FBN1: variants seen among roughly 807,000 people sequenced by gnomAD.
FBN1 encodes fibrillin-1.
FBN1 carries 29 observed loss-of-function variants against 365.1 expected under a neutral mutation model. The ratio of observed to expected loss-of-function variants is 0.08; its 90% confidence interval spans 0.06 to 0.11. FBN1 has a LOEUF of 0.11. Among genes scored for constraint, FBN1 ranks in the 10% least tolerant of loss-of-function variants. The pLI is 1.00. For missense variants in FBN1, 2,476 were observed against 3,703.2 expected (o/e 0.67, Z 8.60); for synonymous variants, 1,210 against 1,270.5 (o/e 0.95, Z 1.01).
rs1655998227 is a variant in FBN1, at chr15:48,600,189, T to C, written c.392A>G (p.Asp131Gly). Reference sequence around the variant, plus strand: ...TCCTTTCTGGCATAGACAGTGATCGTCACTGCAGCTACCTCCATTCATACA... The same window carrying C: ...TCCTTTCTGGCATAGACAGTGATCGCCACTGCAGCTACCTCCATTCATACA... ...IRCMNGGSCS[D>G]DHCLCQKGYI... Residue 131 changes from aspartate to glycine, a missense_variant, in exon 5 of 66, where the codon GAC (aspartate) becomes GGC (glycine). Physicochemically the swap from Asp to Gly is moderately conservative, Grantham distance 94. Around this residue, in one of 5 missense-constraint regions of FBN1, gnomAD observed 421 missense variants for 520.1 expected, o/e 0.81. Transcript: ENST00000316623. 1.2e-6 allele frequency: 2 copies of C among 1,613,954 alleles called. No homozygotes were observed. Among genetic ancestry groups the C allele is most frequent in the South Asian group, 1.1e-5 (1 of 91,092 alleles).
intron 3 of FBN1, among the ~76,000 whole-genome samples, chr15:48,611,939 T>C (rs576762920): frequency 6.6e-6 from 1 of 152,316 alleles, no homozygotes; most frequent in African/African-American, 2.4e-5. Context: ...CCAAAGAGTT[T>C]AGGATGGAAA....
chr15:48,600,042 C>T, intron 5 of FBN1, 97 bp downstream of exon 5: 1 of 885,674 alleles, frequency 1.1e-6, no homozygotes, highest in Admixed American at 1.7e-5. Flanking sequence ...TGCTGTGTCC[C>T]AGGTAATCGA....
intron 58 of FBN1, 129 bp downstream of exon 58, chr15:48,427,438 T>G: frequency 1.0e-6 from 1 of 961,574 alleles, no homozygotes; most frequent in South Asian, 1.5e-5. Context: ...TAATGAAGAA[T>G]TTTTGTTGGC....
At chr15:48,430,863 C>T (rs1015262153) in intron 55 of FBN1, 61 bp from the exon 56 acceptor site, 10 of 1,552,020 alleles carry the variant, frequency 6.4e-6, no homozygotes, top group African/African-American at 1.4e-5. Context: ...CCTTAATTAC[C>T]TGACTTTTAA....
chr15:48,506,598 T>C (rs946431866), intron 15 of FBN1, among the ~76,000 whole-genome samples: 1 of 152,180 alleles, frequency 6.6e-6, no homozygotes, highest in Non-Finnish European at 1.5e-5. Context: ...GGAGGTAACC[T>C]TGGTCAAAGT....
At position 48,411,307 on chromosome 15, in the gene FBN1, T is replaced by C. The variant is rs771437236; in HGVS notation, c.8299A>G (p.Asn2767Asp). ...DVEKTAIFAFNISHVSNKVRI... is the reference protein window; with the variant it reads ...DVEKTAIFAFDISHVSNKVRI... ...ACCTTGTTACTGACGTGGGAAATAT[T>C]GAAAGCAAAGATGGCTGTCTTCTCA... Residue 2767 changes from asparagine to aspartate, a missense_variant, in exon 66 of 66, where the codon AAT (asparagine) becomes GAT (aspartate). Physicochemically the swap from Asn to Asp is conservative, Grantham distance 23. Transcript: ENST00000316623. The C allele has an allele frequency of 1.4e-5, 23 of 1,614,014 alleles. 1 individual carries two copies. The South Asian group carries it at 1.8e-4, about 12-fold the overall frequency.
At chr15:48,525,879 A>G (rs1230163835) in intron 9 of FBN1, among the ~76,000 whole-genome samples, 1 of 152,198 alleles carries the variant, frequency 6.6e-6, no homozygotes, top group Non-Finnish European at 1.5e-5. Flanking sequence ...TGCAACATTA[A>G]TTAATAGACT....
rs1339922695 is a variant in FBN1 at position 48,492,567 on chromosome 15, C to T, written c.2748G>A (p.Val916=). The change falls in exon 24 of 66, where the codon GTG becomes GTA. Residue 916 remains valine (V), a synonymous_variant. Transcript: ENST00000316623. ...GGCCATTTTTACACACTCCTGGGAA[C>T]ACTTCACATTCATCTATATCTAAAA... ...TQCEDIDECE[V]FPGVCKNGLC... is the part of the protein sequence containing the mutation. 15 of 1,605,750 alleles carry T rather than the reference C, an allele frequency of 9.3e-6. No homozygotes were observed. The highest frequency in any genetic ancestry group is 1.2e-5 in the Non-Finnish European group (14 of 1,173,054).
intron 2 of FBN1, among the ~76,000 whole-genome samples, chr15:48,624,576 G>A (rs1417047917): frequency 6.6e-6 from 1 of 152,174 alleles, no homozygotes; most frequent in African/African-American, 2.4e-5. Flanking sequence ...TATCTCAAAT[G>A]TTTGCTTCTG....
chr15:48,471,208 C>A (rs1045277712), intron 35 of FBN1, among the ~76,000 whole-genome samples: 3 of 152,080 alleles, frequency 2.0e-5, no homozygotes, highest in African/African-American at 7.2e-5. Flanking sequence ...AGTCCTATGG[C>A]ATGTGTTTGC....
At chr15:48,558,795 T>C (rs1190672191) in intron 6 of FBN1, among the ~76,000 whole-genome samples, 1 of 152,154 alleles carries the variant, frequency 6.6e-6, no homozygotes, top group Non-Finnish European at 1.5e-5. Flanking sequence ...TCCATGAAAA[T>C]TTTTGAAGTA....
chr15:48,445,319 T>C, intron 48 of FBN1, 57 bp downstream of exon 48: 1 of 1,590,868 alleles, frequency 6.3e-7, no homozygotes. Flanking sequence ...GACTGCATGA[T>C]TCCTTGAGTG....
At chr15:48,458,880 T>C (rs1449177424) in intron 43 of FBN1, among the ~76,000 whole-genome samples, 2 of 152,234 alleles carry the variant, frequency 1.3e-5, no homozygotes, top group African/African-American at 4.8e-5. Context: ...TCTAAATATT[T>C]TGTCATGCTG....
In FBN1 at chr15:48,444,487, A is replaced by T. The variant is rs2303502; in HGVS notation, c.6037+54T>A. Reference sequence around the variant, plus strand: ...TCATTACAAAAATTCTCATTCTGCTAAGTCCAGTGGACACCCGACACTCCT... The same window carrying T: ...TCATTACAAAAATTCTCATTCTGCTTAGTCCAGTGGACACCCGACACTCCT... On this transcript the variant is annotated intron_variant, in intron 49 of 65. Coordinates refer to ENST00000316623, the MANE Select transcript of FBN1 (RefSeq NM_000138.5). The T allele has an allele frequency of 0.73, 1,174,869 of 1,604,964 alleles. 434,694 individuals are homozygous for T. Among genetic ancestry groups the T allele is most frequent in the South Asian group, 0.77 (70,424 of 90,870 alleles).
chr15:48,604,317 T>G (rs1469481192), intron 4 of FBN1, among the ~76,000 whole-genome samples: 1 of 152,204 alleles, frequency 6.6e-6, no homozygotes, highest in Non-Finnish European at 1.5e-5. Context: ...ACATGTGATT[T>G]TAATTTAGGT....
At chr15:48,416,933 G>T (rs1441563262) in intron 63 of FBN1, among the ~76,000 whole-genome samples, 1 of 151,956 alleles carries the variant, frequency 6.6e-6, no homozygotes, top group Non-Finnish European at 1.5e-5. Context: ...ATAGGATACA[G>T]GTATTGACCA....
Position 48,444,625 on chromosome 15 carries a change from C to A in FBN1, c.5953G>T (p.Ala1985Ser). 1 of 1,613,484 alleles carries A rather than the reference C, an allele frequency of 6.2e-7. No individual in the cohort carries two copies. The highest frequency in any genetic ancestry group is 8.5e-7 in the Non-Finnish European group (1 of 1,179,646). Reference protein sequence around the residue: ...NECLLEPRKCAPGTCQNLDGS... With the variant: ...NECLLEPRKCSPGTCQNLDGS... ...TCCAAGTTTTGACAGGTACCTGGTG[C>A]ACATTTTCTGGGTTCTAGAAGACAT... Residue 1985 changes from alanine to serine, a missense_variant, in exon 49 of 66, where the codon GCA becomes TCA. Ala to Ser is a moderately conservative substitution (Grantham distance 99). Transcript: ENST00000316623.
chr15:48,594,260 G>T (rs2044500785), intron 6 of FBN1, among the ~76,000 whole-genome samples: 1 of 152,174 alleles, frequency 6.6e-6, no homozygotes, highest in Non-Finnish European at 1.5e-5. Flanking sequence ...CCCATTGAAG[G>T]TCTGGGACTG....
chr15:48,628,077 C>T (rs1261959404), intron 2 of FBN1, among the ~76,000 whole-genome samples: 2 of 152,144 alleles, frequency 1.3e-5, no homozygotes, highest in African/African-American at 4.8e-5. Flanking sequence ...ATACATGAGG[C>T]CTTAGAGAAT....
Sources: gnomAD v4.1 joint callset for allele counts (sites outside exome capture counted in the v4.1 genomes callset) on GRCh38, gnomAD v4.1.1 for gene constraint, gnomAD v4.1.1 regional missense constraint, MANE v1.5 for transcripts, NCBI Gene and HGNC (gene_info 2026-07-23, HGNC 2026-07-21) for gene names.